Variants in OXR1 observed in about 807,000 individuals in gnomAD.
OXR1 encodes the protein oxidation resistance 1, also known as oxidation resistance protein 1.
A neutral mutation model predicts 104.6 loss-of-function variants in OXR1; 41 were observed. The ratio of observed to expected loss-of-function variants is 0.39; its 90% CI spans 0.31 to 0.51. OXR1 has a LOEUF of 0.51. OXR1 is among the 20% of genes least tolerant of loss of function. The pLI is 0.77. For synonymous variants in OXR1, 348 were observed against 348.4 expected (o/e 1.00, Z 0.01); for missense variants, 955 against 1,031.9 (o/e 0.93, Z 1.02).
chr8:106,737,390 A>T, intron 11 of OXR1, 130 bp from the exon 12 acceptor site: 1 of 406,910 alleles, frequency 2.5e-6, no homozygotes, highest in Middle Eastern at 6.0e-4. Context: ...TTCAACATAG[A>T]GTGGGGAAGA....
At chr8:106,526,635 C>A (rs1054775490) in intron 3 of OXR1, among the ~76,000 whole-genome samples, 1 of 152,196 alleles carries the variant, frequency 6.6e-6, no homozygotes, top group Admixed American at 6.5e-5. Context: ...CTCCGCCTCC[C>A]GGGTTCACGC....
chr8:106,686,410 A>T (rs1423834540), intron 6 of OXR1, among the ~76,000 whole-genome samples: 4 of 151,520 alleles, frequency 2.6e-5, no homozygotes, highest in African/African-American at 9.7e-5. Flanking sequence ...ACAACAGTTG[A>T]TTGTGTAAAT....
chr8:106,615,720 G>C (rs1406430058), intron 3 of OXR1, among the ~76,000 whole-genome samples: 1 of 152,092 alleles, frequency 6.6e-6, no homozygotes, highest in African/African-American at 2.4e-5. Flanking sequence ...GAACATCAAG[G>C]CATCTTCAAA....
At chr8:106,691,051 A>T (rs967397954) in intron 6 of OXR1, among the ~76,000 whole-genome samples, 2 of 152,042 alleles carry the variant, frequency 1.3e-5, no homozygotes, top group Non-Finnish European at 2.9e-5. Flanking sequence ...ATAACATACA[A>T]ATCATATTGT....
In OXR1 at chr8:106,710,669, T is replaced by C; in HGVS notation, c.1672T>C (p.Leu558=). The change falls in exon 10 of 17, where the codon TTG becomes CTG. Residue 558 remains leucine (L), a synonymous_variant. Coordinates refer to ENST00000517566, the MANE Select transcript of OXR1 (RefSeq NM_001198533.2). ...EKQRHRLHKF[L]CLRVGKPMRK... ...GCAAAGGCATCGATTACATAAGTTC[T>C]TGTGTCTCAGAGTTGGAAAACCAAT... The C allele has an allele frequency of 6.2e-7, 1 of 1,602,030 alleles. No homozygotes were observed. Among genetic ancestry groups the C allele is most frequent in the Non-Finnish European group, 8.5e-7 (1 of 1,173,864 alleles).
chr8:106,351,869 A>T (rs1815739764), intron 1 of OXR1, among the ~76,000 whole-genome samples: 1 of 152,338 alleles, frequency 6.6e-6, no homozygotes, highest in East Asian at 1.9e-4. Context: ...TCATGAGCTT[A>T]TTACTACATC....
chr8:106,320,245 G>A (rs1292955634), intron 1 of OXR1, among the ~76,000 whole-genome samples: 1 of 152,174 alleles, frequency 6.6e-6, no homozygotes, highest in African/African-American at 2.4e-5. Context: ...CTCACCTTCT[G>A]TTGCTTTCTT....
chr8:106,619,613 A>T (rs1821531463), intron 3 of OXR1, among the ~76,000 whole-genome samples: 1 of 152,236 alleles, frequency 6.6e-6, no homozygotes, highest in South Asian at 2.1e-4. Context: ...AATCAATTAT[A>T]TCTAGTTCAA....
chr8:106,464,694 AGTT>A (rs1301285668), intron 2 of OXR1, among the ~76,000 whole-genome samples: 7 of 152,156 alleles, frequency 4.6e-5, no homozygotes, highest in Admixed American at 3.3e-4. Context: ...TTGACTTCAT[AGTT>A]GTTGAGTGGC....
chr8:106,288,934 GA>G (rs1013313461), intron 1 of OXR1, among the ~76,000 whole-genome samples: 1 of 151,832 alleles, frequency 6.6e-6, no homozygotes, highest in Non-Finnish European at 1.5e-5. Flanking sequence ...CAAACATTGG[GA>G]AAAAAGTGGT....
chr8:106,488,665 A>T (rs1810860915), intron 2 of OXR1, among the ~76,000 whole-genome samples: 2 of 146,586 alleles, frequency 1.4e-5, no homozygotes, highest in African/African-American at 5.1e-5. Context: ...TCCCAGCACC[A>T]TTTATTAAAT....
chr8:106,405,855 A>C (rs1000087154), intron 2 of OXR1, among the ~76,000 whole-genome samples: 11 of 152,216 alleles, frequency 7.2e-5, no homozygotes, highest in Non-Finnish European at 1.3e-4. Context: ...TAAGCTAAGT[A>C]AGTGGTTATT....
chr8:106,683,282 C>T lies in OXR1; in HGVS notation c.387C>T (p.Phe129=). The change falls in exon 5 of 17, where the codon TTC becomes TTT. Residue 129 remains phenylalanine, a synonymous_variant. Transcript: ENST00000517566. ...PNELVQLNKL[F]SRAVVTGQVL... is the part of the protein sequence containing the mutation. Reference sequence around the variant, plus strand: ...AACTTGTTCAATTAAATAAGTTATTCTCCCGAGCAGTTGTTACTGGACAGG... The same window carrying T: ...AACTTGTTCAATTAAATAAGTTATTTTCCCGAGCAGTTGTTACTGGACAGG... 1 of 1,590,632 alleles carries T rather than the reference C, an allele frequency of 6.3e-7. No individual in the cohort carries two copies. Among genetic ancestry groups the T allele is most frequent in the Non-Finnish European group, 8.6e-7 (1 of 1,159,384 alleles).
At chr8:106,440,924 A>G (rs925526769) in intron 2 of OXR1, among the ~76,000 whole-genome samples, 4 of 152,140 alleles carry the variant, frequency 2.6e-5, no homozygotes, top group Non-Finnish European at 5.9e-5. Context: ...TTCGTACCAT[A>G]TTCCCAGTAT....
chr8:106,719,690 C>T (rs1430371285), intron 11 of OXR1, among the ~76,000 whole-genome samples: 1 of 152,016 alleles, frequency 6.6e-6, no homozygotes, highest in Admixed American at 6.5e-5. Context: ...TGTTTGCATC[C>T]CCATAGTGTC....
Position 106,274,280 on chromosome 8 carries a change from A to G in OXR1, c.-139+3913A>G, listed in dbSNP as rs896000438. On this transcript the variant is annotated intron_variant, in intron 1 of 16. Transcript: ENST00000517566. The stretch of plus-strand genomic sequence containing the variant: ...ACAATACCTTACACTCATAAATGTA[A>G]TAAGATACTGTTCTAATATCCCCTG... Among the ~76,000 whole-genome samples the G allele has an allele frequency of 2.6e-5, 4 of 152,320 alleles. No homozygotes were observed. The South Asian group carries it at 6.2e-4, about 24-fold the overall frequency.
chr8:106,314,542 A>G (rs1813846514), intron 1 of OXR1, among the ~76,000 whole-genome samples: 1 of 152,218 alleles, frequency 6.6e-6, no homozygotes. Flanking sequence ...TTACCTCAGT[A>G]ACATTTAAAA....
At chr8:106,729,256 T>G (rs762244176) in intron 11 of OXR1, among the ~76,000 whole-genome samples, 33 of 152,278 alleles carry the variant, frequency 2.2e-4, no homozygotes, top group Non-Finnish European at 4.4e-4. Context: ...AAGTCAGAGC[T>G]GATTTTTTAA....
intron 2 of OXR1, among the ~76,000 whole-genome samples, chr8:106,458,055 A>G (rs900507961): frequency 5.9e-5 from 9 of 152,222 alleles, no homozygotes; most frequent in African/African-American, 2.2e-4. Flanking sequence ...AGAATAAAAA[A>G]GCATGTTCAG....
Sources: allele counts gnomAD v4.1 joint callset (sites outside exome capture counted in the v4.1 genomes callset), GRCh38; gene constraint gnomAD v4.1.1; transcripts MANE v1.5; gene names NCBI Gene and HGNC (gene_info 2026-07-23, HGNC 2026-07-21).